GGT1: variants seen among roughly 807,000 people sequenced by gnomAD.
GGT1 encodes gamma-glutamyltransferase 1.
In GGT1, 21 loss-of-function variants were observed where a neutral mutation model predicts 56.0. The ratio of observed to expected loss-of-function variants is 0.38; its 90% confidence interval spans 0.27 to 0.54. The LOEUF is 0.54. Ranked by LOEUF, GGT1 falls within the 20% of genes least tolerant of loss-of-function variation. The pLI is 0.82. For synonymous variants in GGT1, 238 were observed against 342.6 expected, an observed-to-expected ratio of 0.69 and a Z score of 3.37; for missense variants, 466 against 787.0, an observed-to-expected ratio of 0.59 and a Z score of 4.88.
At chr22:24,588,698 A>G in the GGT1 span, 1 of 1,089,794 alleles carries the variant, frequency 9.2e-7, no homozygotes, top group Non-Finnish European at 1.1e-6. Context: ...AGGAGGCCAG[A>G]CCAGGCCCCT....
intron 7 of GGT1, among the ~76,000 whole-genome samples, chr22:24,616,613 C>T (rs77866259): frequency 6.8e-6 from 1 of 146,734 alleles, no homozygotes. Flanking sequence ...GGCACGATCT[C>T]GGCTCACTGC....
In GGT1 at chr22:24,624,746, C is replaced by A. The variant is rs1363349196; in HGVS notation, c.1020+830C>A. The A allele has an allele frequency of 1.6e-5, 15 of 912,416 alleles. No homozygotes were observed. The South Asian group carries it at 4.5e-4, about 28-fold the overall frequency. The allele number at this position is 912,416 out of a possible 1,614,324, so 56.5% of individuals were successfully genotyped here. A position where few individuals can be genotyped will look rare whatever the true frequency, so the allele number is the denominator to read the frequency against. On this transcript the variant is annotated intron_variant, in intron 11 of 15. Coordinates refer to ENST00000400382, the MANE Select transcript of GGT1 (RefSeq NM_001288833.2). ...TTTACTTCTTTATCACGGCTTATTC[C>A]CGAAAGAAAGGCAGCTGTTGTTGCT...
At position 24,611,123 on chromosome 22, in the gene GGT1, C is replaced by T; in HGVS notation, c.42C>T (p.Val14=). Residue 14 remains valine, a synonymous_variant, in exon 5 of 16, where the codon GTC becomes GTT. Coordinates refer to ENST00000400382, the MANE Select transcript of GGT1 (RefSeq NM_001288833.2). ...KLVVLGLLAV[V]LVLVIVGLCL... is the part of the protein sequence containing the mutation. ...TGGTGCTGGGCCTGCTGGCCGTGGTCCTGGTGCTGGTCATTGTCGGCCTCT... is the reference window on the plus strand; with the variant it reads ...TGGTGCTGGGCCTGCTGGCCGTGGTTCTGGTGCTGGTCATTGTCGGCCTCT... The T allele has an allele frequency of 6.2e-7, 1 of 1,602,206 alleles. No homozygotes were observed. The highest frequency in any genetic ancestry group is 8.5e-7 in the Non-Finnish European group (1 of 1,174,294).
chr22:24,619,531 T>C (rs2047280015), intron 7 of GGT1, among the ~76,000 whole-genome samples: 1 of 152,020 alleles, frequency 6.6e-6, no homozygotes, highest in Non-Finnish European at 1.5e-5. Context: ...ATTGCACCAC[T>C]GCACTCCAGC....
At chr22:24,601,642 G>A (rs2147201285), upstream of GGT1, among the ~76,000 whole-genome samples, 1 of 152,370 alleles carries the variant, frequency 6.6e-6, no homozygotes, top group African/African-American at 2.4e-5. Context: ...CTGTGTGGCT[G>A]GATGCTGAGC....
chr22:24,612,927 G>A (rs2046813287), intron 5 of GGT1, among the ~76,000 whole-genome samples: 2 of 152,192 alleles, frequency 1.3e-5, no homozygotes, highest in African/African-American at 4.8e-5. Context: ...TTGGGTTTAA[G>A]TGATCTTCCC....
chr22:24,600,342 T>C (rs1413659088), upstream of GGT1, among the ~76,000 whole-genome samples: 8 of 152,370 alleles, frequency 5.3e-5, no homozygotes, highest in Non-Finnish European at 8.8e-5. Flanking sequence ...GAAAGGCTGC[T>C]GTGATACCCA....
chr22:24,608,101 G>A (rs928261359), intron 2 of GGT1, 78 bp downstream of exon 2: 8 of 445,738 alleles, frequency 1.8e-5, no homozygotes, highest in Non-Finnish European at 3.2e-5. Context: ...TCTAGCCTCA[G>A]TTTCCCCTAG....
At chr22:24,603,927 G>A (rs974602378) in intron 1 of GGT1, among the ~76,000 whole-genome samples, 4 of 151,894 alleles carry the variant, frequency 2.6e-5, no homozygotes, top group Admixed American at 2.6e-4. Flanking sequence ...GGGGGCGCCT[G>A]CCACCTCTCA....
At position 24,611,207 on chromosome 22, in the gene GGT1, C is replaced by T. The variant is rs567988526; in HGVS notation, c.126C>T (p.Ala42=). 14 of 1,578,006 alleles carry T rather than the reference C, an allele frequency of 8.9e-6. No individual in the cohort carries two copies. Among genetic ancestry groups the T allele is most frequent in the South Asian group, 3.5e-5 (3 of 86,692 alleles). ...EPDNHVYTRA[A]VAADAKQCSK... Reference sequence around the variant, plus strand: ...ACAACCATGTGTACACCAGGGCTGCCGTGGCCGCGGATGCCAAGCAGTGCT... The same window carrying T: ...ACAACCATGTGTACACCAGGGCTGCTGTGGCCGCGGATGCCAAGCAGTGCT... The change falls in exon 5 of 16, where the codon GCC becomes GCT. Residue 42 remains alanine, a synonymous_variant. Transcript: ENST00000400382.
chr22:24,609,494 C>G (rs1264668152), intron 2 of GGT1: 1 of 157,288 alleles, frequency 6.4e-6, no homozygotes, highest in Non-Finnish European at 1.4e-5. Flanking sequence ...GGCCACCCTT[C>G]CATGATGGCA....
At chr22:24,618,253 G>A (rs1393830988) in intron 7 of GGT1, among the ~76,000 whole-genome samples, 4 of 152,112 alleles carry the variant, frequency 2.6e-5, no homozygotes, top group Non-Finnish European at 4.4e-5. Flanking sequence ...ACAAAATACT[G>A]TTGCTAAGCA....
chr22:24,628,479 T>C lies in GGT1; in HGVS notation c.1563+91T>C. ...TGGATCATCACAGAGTGGACAATGGTTGGTGTCCTCTCTCTAGTGCCTGGG... is the reference window on the plus strand; with the variant it reads ...TGGATCATCACAGAGTGGACAATGGCTGGTGTCCTCTCTCTAGTGCCTGGG... On this transcript the variant is annotated intron_variant, in intron 15 of 15. Coordinates refer to ENST00000400382, the MANE Select transcript of GGT1 (RefSeq NM_001288833.2). The surrounding 1 kb of genome is among the most constrained non-coding windows in gnomAD (Gnocchi z 5.7). The C allele has an allele frequency of 6.5e-7, 1 of 1,542,078 alleles. No homozygotes were observed. Among genetic ancestry groups the C allele is most frequent in the Non-Finnish European group, 8.8e-7 (1 of 1,130,358 alleles).
In GGT1 at chr22:24,620,720, T is replaced by C. The variant is rs1455356443; in HGVS notation, c.576-193T>C. The C allele has an allele frequency of 6.9e-7, 1 of 1,455,790 alleles. No homozygotes were observed. Among genetic ancestry groups the C allele is most frequent in the African/African-American group, 1.4e-5 (1 of 69,974 alleles). The allele number at this position is 1,455,790 out of a possible 1,614,324, so 90.2% of individuals were successfully genotyped here. On this transcript the variant is annotated intron_variant, in intron 8 of 15. Coordinates refer to ENST00000400382, the MANE Select transcript of GGT1 (RefSeq NM_001288833.2). This position sits in a 1 kb window ranked among gnomAD's most constrained non-coding sequence, Gnocchi z 5.6. ...CCAGTGGCCACTGTGGCTGGCCATG[T>C]GTCCTGAGTGGCAAGGGACACTAGG...
upstream of GGT1, among the ~76,000 whole-genome samples, chr22:24,590,793 A>C (rs1469573316): frequency 6.6e-6 from 1 of 152,018 alleles, no homozygotes; most frequent in Non-Finnish European, 1.5e-5. Context: ...CTCACCACCC[A>C]TGCCCCAGCT....
At chr22:24,604,522 G>C (rs946098701) in intron 1 of GGT1, among the ~76,000 whole-genome samples, 1 of 152,142 alleles carries the variant, frequency 6.6e-6, no homozygotes, top group Non-Finnish European at 1.5e-5. Context: ...TGTTGGAAGT[G>C]GGTGATACTG....
chr22:24,610,968 A>T lies in GGT1; in HGVS notation c.-7-107A>T, dbSNP rs377228228. The T allele has an allele frequency of 1.2e-3, 1,168 of 944,788 alleles. 8 individuals are homozygous for T. Among genetic ancestry groups the T allele is most frequent in the East Asian group, 1.7e-3 (65 of 37,928 alleles). 58.5% of individuals were successfully genotyped at this position (944,788 alleles called of 1,614,324 possible). A position where few individuals can be genotyped will look rare whatever the true frequency, so the allele number is the denominator to read the frequency against. ...GTATTCTGGGAAGCGGGAAGGAGAC[A>T]CAGGCCTTGTGTTTCTGAGGCCCGA... On this transcript the variant is annotated intron_variant, in intron 4 of 15. Coordinates refer to ENST00000400382, the MANE Select transcript of GGT1 (RefSeq NM_001288833.2).
rs1400015922 is a variant in GGT1, at chr22:24,616,535, A to G, written c.382+1408A>G. ...TCTTCTGCAACATACTCAATCTTTG[A>G]CTTTTTTCTTTTTTTTTTCTTTTTT... On this transcript the variant is annotated intron_variant, in intron 7 of 15. Coordinates refer to ENST00000400382, the MANE Select transcript of GGT1 (RefSeq NM_001288833.2). Among the ~76,000 whole-genome samples the G allele has an allele frequency of 2.7e-5, 4 of 147,490 alleles. No homozygotes were observed. The East Asian group carries it at 7.9e-4, about 29-fold the overall frequency.
chr22:24,621,721 A>T (rs956621092), intron 9 of GGT1, among the ~76,000 whole-genome samples: 4 of 152,218 alleles, frequency 2.6e-5, no homozygotes, highest in African/African-American at 9.6e-5. Flanking sequence ...GAAGAGGCCA[A>T]GCGGCAGGGA....
Sources: allele counts gnomAD v4.1 joint callset (sites outside exome capture counted in the v4.1 genomes callset), GRCh38; gene constraint gnomAD v4.1.1; non-coding constraint Gnocchi (gnomAD v3.1); transcripts MANE v1.5; gene names NCBI Gene and HGNC (gene_info 2026-07-23, HGNC 2026-07-21).